The following RARB variants were observed in gnomAD, a reference collection of about 807,000 sequenced individuals.
RARB encodes retinoic acid receptor beta.
A neutral mutation model predicts 51.9 loss-of-function variants in RARB; 17 were observed. The ratio of observed to expected loss-of-function variants is 0.33; its 90% CI spans 0.22 to 0.49. The LOEUF (loss-of-function observed/expected upper bound fraction) is 0.49. RARB is among the 20% of genes least tolerant of loss of function. RARB has a pLI of 0.99. For missense variants in RARB, 369 were observed against 550.8 expected, an observed-to-expected ratio of 0.67 and a Z score of 3.30; for synonymous variants, 215 against 195.4, an observed-to-expected ratio of 1.10 and a Z score of -0.84.
chr3:25,250,935 T>C lies in RARB; in HGVS notation c.178+76360T>C, dbSNP rs115471911. Among the ~76,000 whole-genome samples the C allele has an allele frequency of 4.6e-3, 701 of 152,266 alleles. 7 individuals carry two copies. The highest frequency in any genetic ancestry group is 0.016 in the African/African-American group (655 of 41,558). ...TTGTTCACTTACCCTTTTCCCACAG[T>C]TGGGAACCTCTACAGGCTTCCAGTT... On this transcript the variant is annotated intron_variant, in intron 5 of 11. Transcript: ENST00000383772.
At chr3:25,327,746 A>G (rs1704768307) in intron 5 of RARB, among the ~76,000 whole-genome samples, 1 of 152,244 alleles carries the variant, frequency 6.6e-6, no homozygotes. Context: ...AAAGTCTCAC[A>G]TGACAGCTCT....
intron 1 of RARB, among the ~76,000 whole-genome samples, chr3:25,440,995 C>G (rs577842554): frequency 6.7e-6 from 1 of 148,448 alleles, no homozygotes; most frequent in East Asian, 2.0e-4. Context: ...TATTTTTCCA[C>G]TTGCAATCAT....
intron 3 of RARB, among the ~76,000 whole-genome samples, chr3:25,542,521 A>C (rs1699427771): frequency 6.6e-6 from 1 of 152,236 alleles, no homozygotes; most frequent in African/African-American, 2.4e-5. Flanking sequence ...GGGAGCAATC[A>C]AGAGTCTAGG....
intron 5 of RARB, among the ~76,000 whole-genome samples, chr3:25,184,155 T>C (rs1700923342): frequency 6.6e-6 from 1 of 152,072 alleles, no homozygotes; most frequent in African/African-American, 2.4e-5. Flanking sequence ...TTCTAGTTAT[T>C]GCCCAAATCT....
intron 5 of RARB, among the ~76,000 whole-genome samples, chr3:25,340,608 T>G (rs768354397): frequency 4.6e-5 from 7 of 152,324 alleles, no homozygotes; most frequent in Non-Finnish European, 7.4e-5. Flanking sequence ...TTTCTCCATT[T>G]AAAGTATCTG....
chr3:25,128,533 G>A (rs1201406355), intron 3 of RARB, among the ~76,000 whole-genome samples: 1 of 148,908 alleles, frequency 6.7e-6, no homozygotes, highest in Non-Finnish European at 1.5e-5. Context: ...TTGTACTTTT[G>A]GGGACATGGA....
At position 25,286,911 on chromosome 3, in the gene RARB, A is replaced by ACTT. The variant is rs555990320; in HGVS notation, c.178+112337_178+112338insTTC. 2.0e-3 allele frequency among the ~76,000 whole-genome samples: 305 copies of ACTT among 152,342 alleles called. 1 individual carries two copies. The highest frequency in any genetic ancestry group is 7.0e-3 in the African/African-American group (290 of 41,584). ...ACTTTTACTTCAAGATATCTATTTTACAAGAAAATTTATGTATCATGGCCA... is the reference window on the plus strand; with the variant it reads ...ACTTTTACTTCAAGATATCTATTTTACTTCAAGAAAATTTATGTATCATGGCCA... On this transcript the variant is annotated intron_variant, in intron 5 of 11. Coordinates refer to the RARB transcript ENST00000383772.
Position 25,068,184 on chromosome 3 carries a change from G to A in RARB, c.-328+8008G>A, listed in dbSNP as rs540032069. On this transcript the variant is annotated intron_variant, in intron 3 of 11. Transcript: ENST00000383772. ...AAAAAAAAAAAAAAAAAATCTTAAG[G>A]ATTAAAGTTCAACAGTCAAAAAATC... Among the ~76,000 whole-genome samples, 527 of 109,074 alleles carry A rather than the reference G, an allele frequency of 4.8e-3. 4 individuals are homozygous for A. Among genetic ancestry groups the A allele is most frequent in the African/African-American group, 0.017 (496 of 28,456 alleles). 71.6% of individuals were successfully genotyped at this position (109,074 alleles called of 152,430 possible).
intron 2 of RARB, among the ~76,000 whole-genome samples, chr3:24,924,704 G>C (rs144716183): frequency 2.6e-5 from 4 of 152,180 alleles, no homozygotes; most frequent in East Asian, 1.9e-4. Flanking sequence ...GAATGTTTTA[G>C]TCTCAATCCT....
intron 3 of RARB, among the ~76,000 whole-genome samples, chr3:25,070,410 G>C (rs1698744851): frequency 6.6e-6 from 1 of 152,230 alleles, no homozygotes; most frequent in South Asian, 2.1e-4. Flanking sequence ...GATATTTGAA[G>C]TCTTAATTGA....
At chr3:25,355,881 A>G (rs947858028) in intron 5 of RARB, among the ~76,000 whole-genome samples, 6 of 152,090 alleles carry the variant, frequency 3.9e-5, no homozygotes, top group African/African-American at 1.4e-4. Flanking sequence ...TAAGTCTCTT[A>G]TTTTTTTATG....
intron 2 of RARB, among the ~76,000 whole-genome samples, chr3:24,978,219 TG>T (rs1242628954): frequency 2.0e-5 from 3 of 152,016 alleles, no homozygotes; most frequent in Non-Finnish European, 4.4e-5. Flanking sequence ...TCTTTTTTTT[TG>T]TTGTTGTGTC....
intron 5 of RARB, among the ~76,000 whole-genome samples, chr3:25,374,871 T>C (rs1706411074): frequency 6.6e-6 from 1 of 152,204 alleles, no homozygotes; most frequent in African/African-American, 2.4e-5. Context: ...TGACTTTGCC[T>C]ACGAATGAAC....
At chr3:25,128,940 C>T (rs1699902281) in intron 3 of RARB, among the ~76,000 whole-genome samples, 1 of 152,034 alleles carries the variant, frequency 6.6e-6, no homozygotes, top group African/African-American at 2.4e-5. Flanking sequence ...GAAAAAATAA[C>T]ATAATTAGCT....
chr3:25,494,332 T>C (rs1275786155), intron 2 of RARB, among the ~76,000 whole-genome samples: 2 of 150,586 alleles, frequency 1.3e-5, no homozygotes, highest in African/African-American at 4.9e-5. Context: ...CCCTGCACTT[T>C]CTTACTCCTG....
At chr3:25,337,917 T>C (rs1275328606) in intron 5 of RARB, among the ~76,000 whole-genome samples, 2 of 152,146 alleles carry the variant, frequency 1.3e-5, no homozygotes, top group Admixed American at 6.5e-5. Flanking sequence ...TTAATGAATT[T>C]AGTTGAACTA....
At chr3:24,982,843 GT>G (rs1343259934) in intron 2 of RARB, among the ~76,000 whole-genome samples, 1 of 152,124 alleles carries the variant, frequency 6.6e-6, no homozygotes, top group Non-Finnish European at 1.5e-5. Flanking sequence ...GTCAAGGGAA[GT>G]TGAATATCCT....
At chr3:25,240,255 A>C (rs1042264397) in intron 5 of RARB, among the ~76,000 whole-genome samples, 1 of 151,854 alleles carries the variant, frequency 6.6e-6, no homozygotes, top group African/African-American at 2.4e-5. Context: ...TCTAGATATA[A>C]GATGATGTTC....
intron 5 of RARB, among the ~76,000 whole-genome samples, chr3:25,196,905 T>C (rs1012324301): frequency 2.6e-5 from 4 of 152,168 alleles, no homozygotes; most frequent in Non-Finnish European, 5.9e-5. Flanking sequence ...TCGCCCACTT[T>C]TTGATGGGGT....
Sources: gnomAD v4.1 joint callset for allele counts (sites outside exome capture counted in the v4.1 genomes callset) on GRCh38, gnomAD v4.1.1 for gene constraint, MANE v1.5 for transcripts, NCBI Gene and HGNC (gene_info 2026-07-23, HGNC 2026-07-21) for gene names.